The following MDN1 variants were observed in gnomAD, a reference collection of about 807,000 sequenced individuals.
MDN1 encodes midasin AAA ATPase 1.
MDN1 carries 266 observed loss-of-function variants against 669.2 expected under a neutral mutation model. That is an observed-to-expected ratio of 0.40 (90% confidence interval 0.36 to 0.44). MDN1 has a LOEUF of 0.44. Ranked by LOEUF, MDN1 falls within the 20% of genes least tolerant of loss-of-function variation. The probability of loss-of-function intolerance (pLI) is 1.00; values close to 1 mark genes in which losing one functional copy is unlikely to be tolerated. For missense variants in MDN1, 5,940 were observed against 6,754.0 expected, an observed-to-expected ratio of 0.88 and a Z score of 4.22; for synonymous variants, 2,385 against 2,457.1, an observed-to-expected ratio of 0.97 and a Z score of 0.87.
intron 53 of MDN1, among the ~76,000 whole-genome samples, chr6:89,702,489 C>T (rs542528986): frequency 2.1e-4 from 32 of 152,288 alleles, no homozygotes. Context: ...AATTTTAATT[C>T]TATTCTGGTG....
At chr6:89,714,402 G>T in intron 46 of MDN1, 141 bp downstream of exon 46, 1 of 814,700 alleles carries the variant, frequency 1.2e-6, no homozygotes, top group East Asian at 2.8e-5. Flanking sequence ...GGGGTGTCTG[G>T]AAATCCACAT....
At chr6:89,656,575 C>G in intron 91 of MDN1, 125 bp downstream of exon 91, 1 of 774,412 alleles carries the variant, frequency 1.3e-6, no homozygotes, top group Non-Finnish European at 2.1e-6. Context: ...GCTATCATAT[C>G]TGATGCAACA....
At chr6:89,647,826 G>A (rs1003928653) in intron 99 of MDN1, among the ~76,000 whole-genome samples, 1 of 152,144 alleles carries the variant, frequency 6.6e-6, no homozygotes, top group African/African-American at 2.4e-5. Context: ...GGTAGCATGC[G>A]CCTGTAGTCC....
At chr6:89,814,384 C>CTTT (rs35652654) in intron 1 of MDN1, among the ~76,000 whole-genome samples, 17 of 137,904 alleles carry the variant, frequency 1.2e-4, no homozygotes, top group Non-Finnish European at 1.9e-4. Flanking sequence ...AATCCCCCTC[C>CTTT]TTTTTTTTTT....
chr6:89,687,610 C>G (rs1049553447), intron 67 of MDN1, among the ~76,000 whole-genome samples, 172 bp from the exon 68 acceptor site: 14 of 152,188 alleles, frequency 9.2e-5, no homozygotes, highest in African/African-American at 3.4e-4. Context: ...TTTCTGTTCA[C>G]ATGACAGAAC....
intron 27 of MDN1, 22 bp from the exon 28 acceptor site, chr6:89,745,648 G>A (rs774154451): frequency 1.2e-6 from 2 of 1,608,896 alleles, no homozygotes; most frequent in Admixed American, 1.7e-5. Flanking sequence ...AGGAGGAAAA[G>A]GAGGAGAGGA....
rs775478634 is a variant in MDN1, at chr6:89,751,627, C to A, written c.3076-45G>T. 1.9e-6 allele frequency: 3 copies of A among 1,582,646 alleles called. No individual in the cohort carries two copies. In the East Asian group the frequency reaches 6.7e-5, roughly 36 times the overall value. On this transcript the variant is annotated intron_variant, in intron 22 of 101. Transcript: ENST00000369393. Reference sequence around the variant, plus strand: ...AAGGAATAACCCACAGTTGTACATTCTTTCAGAGAAGGGCATAAAGTAGGA... The same window carrying A: ...AAGGAATAACCCACAGTTGTACATTATTTCAGAGAAGGGCATAAAGTAGGA...
chr6:89,725,008 A>G (rs1815122655), intron 38 of MDN1, among the ~76,000 whole-genome samples, 191 bp downstream of exon 38: 1 of 152,204 alleles, frequency 6.6e-6, no homozygotes, highest in Non-Finnish European at 1.5e-5. Flanking sequence ...CTAGTCTTCC[A>G]GGGCAAAAGA....
chr6:89,817,004 A>G (rs1162762559), intron 1 of MDN1, among the ~76,000 whole-genome samples: 2 of 152,040 alleles, frequency 1.3e-5, no homozygotes, highest in Non-Finnish European at 2.9e-5. Context: ...TAGACACTCC[A>G]TTCTACTGAT....
At chr6:89,790,475 G>A in intron 5 of MDN1, 74 bp from the exon 6 acceptor site, 2 of 1,582,802 alleles carry the variant, frequency 1.3e-6, no homozygotes, top group East Asian at 2.2e-5. Flanking sequence ...TCCACAGTAA[G>A]CCTTCTACTA....
At chr6:89,644,500 T>G (rs1037111105) in intron 101 of MDN1, among the ~76,000 whole-genome samples, 4 of 152,162 alleles carry the variant, frequency 2.6e-5, no homozygotes, top group South Asian at 2.1e-4. Flanking sequence ...CACTAAATCT[T>G]TACCTTCCTA....
At chr6:89,688,265 C>G in intron 66 of MDN1, 92 bp from the exon 67 acceptor site, 1 of 1,181,642 alleles carries the variant, frequency 8.5e-7, no homozygotes, top group Non-Finnish European at 1.2e-6. Flanking sequence ...AAGATTCCCC[C>G]CAGTTCTCTA....
At chr6:89,782,915 T>G (rs945628822) in intron 9 of MDN1, among the ~76,000 whole-genome samples, 1 of 152,172 alleles carries the variant, frequency 6.6e-6, no homozygotes, top group Admixed American at 6.6e-5. Flanking sequence ...CAAATAATAC[T>G]TTTATAATTT....
chr6:89,753,939 G>T, intron 21 of MDN1, 144 bp downstream of exon 21: 1 of 661,826 alleles, frequency 1.5e-6, no homozygotes, highest in Non-Finnish European at 2.3e-6. Flanking sequence ...AATTTAAAAG[G>T]GCAAGGTAAA....
rs114404428 is a variant in MDN1, at chr6:89,689,959, G to A, written c.10934C>T (p.Pro3645Leu). Reference sequence around the variant, plus strand: ...GAGGTAATGCTTTGCTTCATGTGGCGGCAGAGTCTGTTGATACCAGAGGGA... The same window carrying A: ...GAGGTAATGCTTTGCTTCATGTGGCAGCAGAGTCTGTTGATACCAGAGGGA... ...ARSLWYQQTLPPHEAKHYLSL... is the reference protein window; with the variant it reads ...ARSLWYQQTLLPHEAKHYLSL... The change falls in exon 65 of 102, where the codon CCG becomes CTG. Residue 3645 changes from proline (P) to leucine (L), a missense_variant. By Grantham distance (98) the Pro-to-Leu change is moderately conservative. Around this residue, in one of 5 missense-constraint regions of MDN1, gnomAD observed 2,280 missense variants for 2,576.3 expected, o/e 0.88. Transcript: ENST00000369393. 1,526 of 1,614,168 alleles carry A rather than the reference G, an allele frequency of 9.5e-4. 12 individuals carry two copies. In the African/African-American group the frequency reaches 0.018, roughly 20 times the overall value.
chr6:89,787,477 T>C (rs1395534790), intron 8 of MDN1, among the ~76,000 whole-genome samples: 4 of 152,176 alleles, frequency 2.6e-5, no homozygotes, highest in African/African-American at 7.2e-5. Flanking sequence ...ACTTATTCTT[T>C]ACAGCCACCA....
chr6:89,737,817 A>T (rs2128316382), intron 33 of MDN1, among the ~76,000 whole-genome samples: 1 of 148,726 alleles, frequency 6.7e-6, no homozygotes, highest in Admixed American at 6.8e-5. Context: ...TCCACTTCCC[A>T]GGTTCAAGCG....
At position 89,655,895 on chromosome 6, in the gene MDN1, C is replaced by T. The variant is rs775106114; in HGVS notation, c.15359G>A (p.Arg5120Lys). ...MGDHNERVHK[R>K]LRTVDTDSHA... is the part of the protein sequence containing the mutation. ...GCTGTCCGTATCCACAGTCCTCAGC[C>T]TCTTGTGCACACGCTCATTGTGATC... Residue 5120 changes from arginine (R) to lysine (K), a missense_variant, in exon 92 of 102, where the codon AGG becomes AAG. Physicochemically the swap from Arg to Lys is conservative, Grantham distance 26. Around this residue, in one of 5 missense-constraint regions of MDN1, gnomAD observed 2,280 missense variants for 2,576.3 expected, o/e 0.88. Coordinates refer to ENST00000369393, the MANE Select transcript of MDN1 (RefSeq NM_014611.3). The T allele has an allele frequency of 1.9e-5, 31 of 1,614,166 alleles. No homozygotes were observed. In the South Asian group the frequency reaches 3.4e-4, roughly 18 times the overall value.
chr6:89,683,071 A>G, intron 73 of MDN1, 61 bp downstream of exon 73: 1 of 1,554,942 alleles, frequency 6.4e-7, no homozygotes, highest in East Asian at 2.2e-5. Context: ...CCTTGCACAT[A>G]AAACACAGAT....
Sources: gnomAD v4.1 joint callset for allele counts (sites outside exome capture counted in the v4.1 genomes callset) on GRCh38, gnomAD v4.1.1 for gene constraint, gnomAD v4.1.1 regional missense constraint, MANE v1.5 for transcripts, NCBI Gene and HGNC (gene_info 2026-07-23, HGNC 2026-07-21) for gene names.